The following KCNJ3 variants were observed in gnomAD, a reference collection of about 807,000 sequenced individuals.
KCNJ3 encodes the protein potassium inwardly rectifying channel subfamily J member 3, also known as G protein-activated inward rectifier potassium channel 1.
KCNJ3 carries 4 observed loss-of-function variants against 39.2 expected under a neutral mutation model. The ratio of observed to expected loss-of-function variants is 0.10; its 90% CI spans 0.05 to 0.23. The LOEUF (loss-of-function observed/expected upper bound fraction) is 0.23. KCNJ3 is among the 10% of genes least tolerant of loss of function. KCNJ3 has a pLI of 1.00. For missense variants in KCNJ3, 276 were observed against 634.9 expected, an observed-to-expected ratio of 0.43 and a Z score of 6.08; for synonymous variants, 230 against 237.4, an observed-to-expected ratio of 0.97 and a Z score of 0.29.
At chr2:154,709,043 A>G (rs1397529380) in intron 1 of KCNJ3, among the ~76,000 whole-genome samples, 1 of 152,212 alleles carries the variant, frequency 6.6e-6, no homozygotes, top group East Asian at 1.9e-4. Context: ...TGTACATAAC[A>G]TAGCTTAATA....
At chr2:154,713,051 G>T (rs1446557457) in intron 2 of KCNJ3, among the ~76,000 whole-genome samples, 2 of 152,134 alleles carry the variant, frequency 1.3e-5, no homozygotes, top group East Asian at 3.9e-4. Context: ...GAGCCATGTG[G>T]AGAGTGGGGT....
chr2:154,779,700 C>T (rs889546486), intron 2 of KCNJ3, among the ~76,000 whole-genome samples: 10 of 151,558 alleles, frequency 6.6e-5, no homozygotes, highest in East Asian at 2.0e-4. Flanking sequence ...CATGCCACCA[C>T]GCCTGGCTAA....
intron 2 of KCNJ3, among the ~76,000 whole-genome samples, chr2:154,729,984 C>T (rs946660283): frequency 1.3e-5 from 2 of 152,006 alleles, no homozygotes; most frequent in African/African-American, 4.8e-5. Context: ...CCAGACTCCT[C>T]TTACCCTCCT....
chr2:154,718,744 A>G (rs1049178948), intron 2 of KCNJ3, among the ~76,000 whole-genome samples: 1 of 152,196 alleles, frequency 6.6e-6, no homozygotes, highest in Admixed American at 6.5e-5. Flanking sequence ...GCAGTGTTTT[A>G]TAGAAAATTT....
chr2:154,798,222 GCA>G (rs1196167216), intron 2 of KCNJ3, among the ~76,000 whole-genome samples: 1 of 52,616 alleles, frequency 1.9e-5, no homozygotes, highest in Non-Finnish European at 4.5e-5. Context: ...ACACACACAC[GCA>G]CAGAGTCTGT....
At chr2:154,750,410 A>G (rs1685818286) in intron 2 of KCNJ3, among the ~76,000 whole-genome samples, 1 of 151,964 alleles carries the variant, frequency 6.6e-6, no homozygotes, top group African/African-American at 2.4e-5. Context: ...TAAATTATGG[A>G]ACTTTTAAAC....
rs756358447 is a variant in KCNJ3 at position 154,709,865 on chromosome 2, A to G, written c.919+46A>G. 4 of 1,600,516 alleles carry G rather than the reference A, an allele frequency of 2.5e-6. No individual in the cohort carries two copies. The South Asian group carries it at 3.3e-5, about 13-fold the overall frequency. ...CATAAAGTTTCTTTATACCATAATG[A>G]CATTATATGATATGCACAATACCTG... On this transcript the variant is annotated intron_variant, in intron 2 of 2. Coordinates refer to ENST00000295101, the MANE Select transcript of KCNJ3 (RefSeq NM_002239.4).
chr2:154,809,500 A>G (rs1186070149), intron 2 of KCNJ3, among the ~76,000 whole-genome samples: 1 of 152,208 alleles, frequency 6.6e-6, no homozygotes, highest in African/African-American at 2.4e-5. Context: ...AAAAGCAATT[A>G]TCAGAAGCTC....
chr2:154,793,727 T>C (rs1239753166), intron 2 of KCNJ3, among the ~76,000 whole-genome samples: 5 of 152,070 alleles, frequency 3.3e-5, no homozygotes, highest in African/African-American at 1.2e-4. Flanking sequence ...GACATAGGTT[T>C]AAGTTTTGCT....
intron 2 of KCNJ3, among the ~76,000 whole-genome samples, chr2:154,767,655 A>G (rs1686159686): frequency 6.6e-6 from 1 of 152,190 alleles, no homozygotes; most frequent in Non-Finnish European, 1.5e-5. Context: ...ATACGTGTGC[A>G]TGTGTCTTTA....
At chr2:154,715,497 TG>T (rs964478562) in intron 2 of KCNJ3, among the ~76,000 whole-genome samples, 1 of 152,234 alleles carries the variant, frequency 6.6e-6, no homozygotes, top group Non-Finnish European at 1.5e-5. Flanking sequence ...GAATCTTCCC[TG>T]GGCACTTTAA....
At chr2:154,854,320 C>T (rs1336367582) in intron 2 of KCNJ3, among the ~76,000 whole-genome samples, 1 of 152,098 alleles carries the variant, frequency 6.6e-6, no homozygotes, top group Non-Finnish European at 1.5e-5. Context: ...TAAGTTTACA[C>T]AATATTAAAG....
chr2:154,722,699 G>GA (rs1183656553), intron 2 of KCNJ3, among the ~76,000 whole-genome samples: 1 of 152,006 alleles, frequency 6.6e-6, no homozygotes, highest in Admixed American at 6.6e-5. Context: ...TTGCACTTTA[G>GA]AAAAAAACCA....
At chr2:154,801,581 CTCTTTCTTTCCCTT>C (rs1369432862) in intron 2 of KCNJ3, among the ~76,000 whole-genome samples, 1 of 139,254 alleles carries the variant, frequency 7.2e-6, no homozygotes, top group Non-Finnish European at 1.6e-5. Flanking sequence ...CTCTGTCTCT[CTCTTTCTTTCCCTT>C]TCTTTCTTTC....
intron 2 of KCNJ3, among the ~76,000 whole-genome samples, chr2:154,765,753 C>T (rs1686122885): frequency 6.6e-6 from 1 of 152,174 alleles, no homozygotes; most frequent in South Asian, 2.1e-4. Context: ...AAAGAAAATA[C>T]AATAACTTTA....
intron 2 of KCNJ3, among the ~76,000 whole-genome samples, chr2:154,740,591 G>T (rs944217370): frequency 1.3e-5 from 2 of 151,906 alleles, no homozygotes; most frequent in South Asian, 4.1e-4. Context: ...TGACAGTTGG[G>T]TAAGAAGACA....
chr2:154,810,924 G>A (rs1164975246), intron 2 of KCNJ3, among the ~76,000 whole-genome samples: 1 of 152,122 alleles, frequency 6.6e-6, no homozygotes, highest in Admixed American at 6.6e-5. Context: ...ATTTGCCAGT[G>A]CTAATGGATG....
At chr2:154,726,389 G>A (rs986626737) in intron 2 of KCNJ3, among the ~76,000 whole-genome samples, 4 of 151,982 alleles carry the variant, frequency 2.6e-5, no homozygotes, top group African/African-American at 4.8e-5. Context: ...TTAAGGAAAC[G>A]CAAATCAAGA....
intron 2 of KCNJ3, among the ~76,000 whole-genome samples, chr2:154,847,032 C>A (rs1687674853): frequency 6.6e-6 from 1 of 152,074 alleles, no homozygotes; most frequent in Non-Finnish European, 1.5e-5. Flanking sequence ...CATGCCAGAA[C>A]CTTCTACTCC....
Sources: allele counts gnomAD v4.1 joint callset (sites outside exome capture counted in the v4.1 genomes callset), GRCh38; gene constraint gnomAD v4.1.1; transcripts MANE v1.5; gene names NCBI Gene and HGNC (gene_info 2026-07-23, HGNC 2026-07-21).